Variants in CYP7B1 observed in about 807,000 individuals in gnomAD.
CYP7B1 encodes cytochrome P450 family 7 subfamily B member 1.
A neutral mutation model predicts 42.7 loss-of-function variants in CYP7B1; 29 were observed. The ratio of observed to expected loss-of-function variants is 0.68; its 90% CI spans 0.51 to 0.93. The LOEUF (loss-of-function observed/expected upper bound fraction) is 0.93. Among genes scored for constraint, CYP7B1 ranks in the 40% least tolerant of loss-of-function variants. The probability of loss-of-function intolerance (pLI) is 0.00; values close to 1 mark genes in which losing one functional copy is unlikely to be tolerated. For synonymous variants in CYP7B1, 235 were observed against 218.2 expected (o/e 1.08, Z -0.68); for missense variants, 655 against 600.5 (o/e 1.09, Z -0.95).
intron 1 of CYP7B1, among the ~76,000 whole-genome samples, chr8:64,747,228 A>G (rs1807656979): frequency 6.8e-6 from 1 of 147,956 alleles, no homozygotes; most frequent in Non-Finnish European, 1.5e-5. Flanking sequence ...GTATTTATAT[A>G]TAAACATAAT....
chr8:64,627,011 T>C (rs1167025234), intron 1 of CYP7B1, among the ~76,000 whole-genome samples: 1 of 152,208 alleles, frequency 6.6e-6, no homozygotes, highest in African/African-American at 2.4e-5. Context: ...ACTCAGATCT[T>C]TCAGGGGAAA....
chr8:64,703,392 A>C (rs1023369161), intron 1 of CYP7B1, among the ~76,000 whole-genome samples: 1 of 152,018 alleles, frequency 6.6e-6, no homozygotes, highest in Admixed American at 6.6e-5. Flanking sequence ...TTCTTATAAA[A>C]CTGTCTGGCT....
At chr8:64,762,542 A>G (rs1287020054) in intron 1 of CYP7B1, among the ~76,000 whole-genome samples, 22 of 152,232 alleles carry the variant, frequency 1.4e-4, no homozygotes, top group Admixed American at 1.4e-3. Flanking sequence ...AGGTTACTTC[A>G]CTAAGTTTTC....
At chr8:64,714,843 A>T (rs1291121066) in intron 1 of CYP7B1, among the ~76,000 whole-genome samples, 1 of 152,192 alleles carries the variant, frequency 6.6e-6, no homozygotes, top group Non-Finnish European at 1.5e-5. Context: ...TTAAGCAAAT[A>T]TTTAATCTAA....
At chr8:64,613,912 C>G (rs933680154) in intron 4 of CYP7B1, among the ~76,000 whole-genome samples, 2 of 152,000 alleles carry the variant, frequency 1.3e-5, no homozygotes, top group African/African-American at 4.8e-5. Flanking sequence ...GACTTTTGCT[C>G]CTGAAAGGTC....
At chr8:64,611,080 T>C (rs1217017189) in intron 4 of CYP7B1, among the ~76,000 whole-genome samples, 4 of 152,142 alleles carry the variant, frequency 2.6e-5, no homozygotes, top group Non-Finnish European at 5.9e-5. Context: ...CTCTGGCCCA[T>C]GTTGCCTGAT....
downstream of CYP7B1, among the ~76,000 whole-genome samples, chr8:64,586,679 T>C (rs998775871): frequency 6.6e-6 from 1 of 152,196 alleles, no homozygotes; most frequent in African/African-American, 2.4e-5. Flanking sequence ...CAAAATTAAA[T>C]GGCAAAACCT....
intron 1 of CYP7B1, among the ~76,000 whole-genome samples, chr8:64,731,171 C>A (rs1807403562): frequency 6.6e-6 from 1 of 152,074 alleles, no homozygotes; most frequent in South Asian, 2.1e-4. Context: ...TAAACTGGTA[C>A]CAGGAGTGGG....
chr8:64,736,300 C>A (rs1053849343), intron 1 of CYP7B1, among the ~76,000 whole-genome samples: 1 of 152,146 alleles, frequency 6.6e-6, no homozygotes, highest in Non-Finnish European at 1.5e-5. Context: ...GCTTCTCTTC[C>A]CTTAGTGCTC....
chr8:64,703,031 T>C (rs993890054), intron 1 of CYP7B1, among the ~76,000 whole-genome samples: 3 of 152,032 alleles, frequency 2.0e-5, no homozygotes, highest in Non-Finnish European at 4.4e-5. Context: ...TCAAAAAATT[T>C]AGTCAATTTA....
At chr8:64,677,327 G>C (rs543395505) in intron 1 of CYP7B1, among the ~76,000 whole-genome samples, 1 of 149,754 alleles carries the variant, frequency 6.7e-6, no homozygotes, top group South Asian at 2.1e-4. Context: ...TGATGTGCTG[G>C]AATAGAAGTT....
chr8:64,732,431 G>C (rs113728203), intron 1 of CYP7B1, among the ~76,000 whole-genome samples: 2 of 152,084 alleles, frequency 1.3e-5, no homozygotes, highest in Non-Finnish European at 2.9e-5. Context: ...ATCTGAAATG[G>C]GTGTATTTAC....
At chr8:64,678,981 TAAG>T (rs1563387809) in intron 1 of CYP7B1, among the ~76,000 whole-genome samples, 1 of 151,962 alleles carries the variant, frequency 6.6e-6, no homozygotes, top group Non-Finnish European at 1.5e-5. Flanking sequence ...CAACTGGGCT[TAAG>T]AATATATTTG....
rs918156099 is a variant in CYP7B1, at chr8:64,594,224, C to T, written c.*2418G>A. 1.3e-5 allele frequency among the ~76,000 whole-genome samples: 2 copies of T among 152,088 alleles called. No individual in the cohort carries two copies. The highest frequency in any genetic ancestry group is 2.9e-5 in the Non-Finnish European group (2 of 68,016). On this transcript the variant is annotated 3_prime_UTR_variant, in exon 6 of 6. Transcript: ENST00000310193. Reference sequence around the variant, plus strand: ...AAAAGCTTTTAAGTTCTGCTTTGGCCTCTGTCCCACAATAACTGTCCTGCT... The same window carrying T: ...AAAAGCTTTTAAGTTCTGCTTTGGCTTCTGTCCCACAATAACTGTCCTGCT...
chr8:64,713,738 G>A (rs1807114424), intron 1 of CYP7B1, among the ~76,000 whole-genome samples: 1 of 152,032 alleles, frequency 6.6e-6, no homozygotes, highest in Admixed American at 6.6e-5. Context: ...AGCAATGCAA[G>A]TAATTGGAAT....
At position 64,724,235 on chromosome 8, in the gene CYP7B1, G is replaced by T. The variant is rs1807288202; in HGVS notation, c.122+74231C>A. 2.0e-5 allele frequency among the ~76,000 whole-genome samples: 3 copies of T among 152,226 alleles called. No homozygotes were observed. In the South Asian group the frequency reaches 6.2e-4, roughly 32 times the overall value. ...ATACACTGCAACCTCTGCCTCCTGG[G>T]TTCAAGAGATTCTCCTAACTTCTGC... On this transcript the variant is annotated intron_variant, in intron 1 of 5. Transcript: ENST00000310193.
chr8:64,752,923 A>G (rs1052955677), intron 1 of CYP7B1, among the ~76,000 whole-genome samples: 1 of 152,204 alleles, frequency 6.6e-6, no homozygotes, highest in African/African-American at 2.4e-5. Flanking sequence ...TACTATTCAT[A>G]TACTACTTCT....
chr8:64,655,872 G>A lies in CYP7B1; in HGVS notation c.123-31333C>T, dbSNP rs149295643. Among the ~76,000 whole-genome samples, 112 of 152,280 alleles carry A rather than the reference G, an allele frequency of 7.4e-4. 1 individual carries two copies. Among genetic ancestry groups the A allele is most frequent in the African/African-American group, 2.3e-3 (97 of 41,560 alleles). On this transcript the variant is annotated intron_variant, in intron 1 of 5. Coordinates refer to ENST00000310193, the MANE Select transcript of CYP7B1 (RefSeq NM_004820.5). The stretch of plus-strand genomic sequence containing the variant: ...TGTCTTTTGCAGGGACATGGGTAGA[G>A]CTGGAGGCTATTACCCTTAGCAAAC...
At chr8:64,779,148 G>A (rs1804376494) in intron 1 of CYP7B1, among the ~76,000 whole-genome samples, 1 of 151,928 alleles carries the variant, frequency 6.6e-6, no homozygotes, top group African/African-American at 2.4e-5. Context: ...GCAAATGTCA[G>A]AACATTGTTT....
Sources: allele counts gnomAD v4.1 joint callset (sites outside exome capture counted in the v4.1 genomes callset), GRCh38; gene constraint gnomAD v4.1.1; transcripts MANE v1.5; gene names NCBI Gene and HGNC (gene_info 2026-07-23, HGNC 2026-07-21).